The following ARHGAP40 variants were observed in gnomAD, a reference collection of about 807,000 sequenced individuals.
ARHGAP40 encodes the protein rho GTPase-activating protein 40.
ARHGAP40 carries 43 observed loss-of-function variants against 73.5 expected under a neutral mutation model. The observed-to-expected ratio is 0.58, with a 90% CI of 0.46 to 0.75. The LOEUF is 0.75. Ranked by LOEUF, ARHGAP40 falls within the 30% of genes least tolerant of loss-of-function variation. The pLI is 0.00. For missense variants in ARHGAP40, 734 were observed against 861.8 expected (o/e 0.85, Z 1.86); for synonymous variants, 300 against 352.8 (o/e 0.85, Z 1.68).
exon 15 of ARHGAP40, chr20:38,650,489 A>C: frequency 2.1e-6 from 1 of 470,392 alleles, no homozygotes. Flanking sequence ...AGAGGAAGCC[A>C]AGATTGTAGC....
At chr20:38,606,143 G>A (rs1325355649) in intron 1 of ARHGAP40, among the ~76,000 whole-genome samples, 1 of 152,182 alleles carries the variant, frequency 6.6e-6, no homozygotes, top group African/African-American at 2.4e-5. Context: ...CTACAGGCAT[G>A]TGCCACCACA....
chr20:38,643,203 G>T (rs907568921), intron 10 of ARHGAP40, among the ~76,000 whole-genome samples: 2 of 151,960 alleles, frequency 1.3e-5, no homozygotes, highest in African/African-American at 2.4e-5. Context: ...TTTCTGTGAG[G>T]ATTAAATGAG....
intron 8 of ARHGAP40, among the ~76,000 whole-genome samples, 190 bp from the exon 9 acceptor site, chr20:38,639,037 G>T (rs780018284): frequency 4.6e-5 from 7 of 152,204 alleles, no homozygotes; most frequent in Admixed American, 6.5e-5. Context: ...GGCCACCAAC[G>T]TTTAATGAGC....
exon 5 of ARHGAP40, chr20:38,629,561 T>A: frequency 7.7e-7 from 1 of 1,305,412 alleles, no homozygotes; most frequent in Admixed American, 2.3e-5. Context: ...CAACATGGAC[T>A]CTGCCTACTC....
chr20:38,629,150 GC>G, intron 4 of ARHGAP40, 148 bp downstream of exon 4: 1 of 685,080 alleles, frequency 1.5e-6, no homozygotes. Context: ...GTAGGGAGGA[GC>G]CCTGAGGGGA....
chr20:38,618,368 A>G (rs572766478), intron 1 of ARHGAP40, among the ~76,000 whole-genome samples: 1 of 152,252 alleles, frequency 6.6e-6, no homozygotes, highest in Non-Finnish European at 1.5e-5. Context: ...CAGCCTCCCA[A>G]AGTGCTGGGA....
chr20:38,615,704 A>G (rs746825030), intron 1 of ARHGAP40, among the ~76,000 whole-genome samples: 1 of 152,110 alleles, frequency 6.6e-6, no homozygotes, highest in Admixed American at 6.5e-5. Context: ...TGGCGTGTGC[A>G]CCTGGCACCT....
chr20:38,648,997 C>T (rs192943051), intron 14 of ARHGAP40, among the ~76,000 whole-genome samples: 24 of 152,340 alleles, frequency 1.6e-4, no homozygotes, highest in Admixed American at 1.2e-3. Flanking sequence ...GTGAAACCGA[C>T]GCCTCTGGGA....
chr20:38,616,269 C>T (rs551231322), intron 1 of ARHGAP40, among the ~76,000 whole-genome samples: 27 of 152,372 alleles, frequency 1.8e-4, no homozygotes, highest in African/African-American at 5.5e-4. Flanking sequence ...TGCCCAACAG[C>T]GGCTGTTGCT....
At chr20:38,644,794 C>T (rs1259420182) in intron 11 of ARHGAP40, among the ~76,000 whole-genome samples, 1 of 151,864 alleles carries the variant, frequency 6.6e-6, no homozygotes, top group Non-Finnish European at 1.5e-5. Flanking sequence ...ACTCATTCAC[C>T]CATCCACTCA....
intron 2 of ARHGAP40, among the ~76,000 whole-genome samples, chr20:38,626,773 C>G (rs1467349993): frequency 6.6e-6 from 1 of 152,214 alleles, no homozygotes; most frequent in Non-Finnish European, 1.5e-5. Flanking sequence ...CATCCATACA[C>G]TGGCTAATGC....
chr20:38,602,437 T>C (rs539555107), intron 1 of ARHGAP40, among the ~76,000 whole-genome samples: 82 of 152,220 alleles, frequency 5.4e-4, no homozygotes, highest in African/African-American at 1.9e-3. Context: ...GGGCTCAAGA[T>C]TCAGGAGTCT....
intron 2 of ARHGAP40, 112 bp from the exon 3 acceptor site, chr20:38,626,883 G>A: frequency 1.3e-6 from 1 of 796,866 alleles, no homozygotes. Flanking sequence ...GATCAGATAT[G>A]CAGAAACTCC....
rs933363348 is a variant in ARHGAP40 at position 38,637,714 on chromosome 20, G to A, written c.956G>A (p.Arg319His). The A allele has an allele frequency of 2.5e-5, 33 of 1,305,058 alleles. No homozygotes were observed. The highest frequency in any genetic ancestry group is 2.1e-4 in the Middle Eastern group (1 of 4,720). 80.8% of individuals were successfully genotyped at this position (1,305,058 alleles called of 1,614,324 possible). Residue 319 changes from arginine to histidine, a missense_variant, in exon 7 of 15, where the codon CGC (arginine) becomes CAC (histidine). Physicochemically the swap from Arg to His is conservative, Grantham distance 29. Transcript: ENST00000373345. ...GCTCTTTGACTTTCTGCAGAAACTCGCCTCTTTGGTGTGCCCCTTGACAGC... is the reference window on the plus strand; with the variant it reads ...GCTCTTTGACTTTCTGCAGAAACTCACCTCTTTGGTGTGCCCCTTGACAGC...
chr20:38,649,479 AGTT>A (rs2089074235), intron 14 of ARHGAP40, among the ~76,000 whole-genome samples: 1 of 152,106 alleles, frequency 6.6e-6, no homozygotes, highest in Non-Finnish European at 1.5e-5. Context: ...ATCACATCAG[AGTT>A]GTTGCATTCT....
At position 38,646,923 on chromosome 20, in the gene ARHGAP40, A is replaced by G. The variant is rs1280415361; in HGVS notation, c.1711-34A>G. 8 of 1,288,970 alleles carry G rather than the reference A, an allele frequency of 6.2e-6. No individual in the cohort carries two copies. The highest frequency in any genetic ancestry group is 5.6e-5 in the East Asian group (1 of 17,700). The allele number at this position is 1,288,970 out of a possible 1,614,324, so 79.8% of individuals were successfully genotyped here. ...TGGAACTCCAGGCAAGCTGACTCTT[A>G]TGTATATGGATCTTTCTCTCTCTCT... is the stretch of plus-strand genomic sequence containing the variant. On this transcript the variant is annotated intron_variant, in intron 12 of 14. Coordinates refer to ENST00000373345, the Ensembl canonical transcript of ARHGAP40. The surrounding 1 kb of genome is among the most constrained non-coding windows in gnomAD (Gnocchi z 4.5).
intron 5 of ARHGAP40, among the ~76,000 whole-genome samples, chr20:38,632,923 G>A (rs528837965): frequency 4.6e-5 from 7 of 152,228 alleles, no homozygotes; most frequent in African/African-American, 1.7e-4. Context: ...AGGAGTTTGC[G>A]ACCAGCTGGG....
At chr20:38,623,264 C>T in intron 1 of ARHGAP40, 95 bp from the exon 2 acceptor site, 1 of 1,008,710 alleles carries the variant, frequency 9.9e-7, no homozygotes, top group Non-Finnish European at 1.3e-6. Flanking sequence ...CCCCCAGGGG[C>T]CCAGGCTGAT....
intron 1 of ARHGAP40, among the ~76,000 whole-genome samples, chr20:38,621,536 C>T (rs1359251039): frequency 6.6e-6 from 1 of 152,136 alleles, no homozygotes. Flanking sequence ...TCTTGGCTGA[C>T]ATGAGCCCAA....
Sources: gnomAD v4.1 joint callset for allele counts (sites outside exome capture counted in the v4.1 genomes callset) on GRCh38, gnomAD v4.1.1 for gene constraint, Gnocchi (gnomAD v3.1) non-coding constraint, MANE v1.5 for transcripts, NCBI Gene and HGNC (gene_info 2026-07-23, HGNC 2026-07-21) for gene names.